The following TMEM117 variants were observed in gnomAD, a reference collection of about 807,000 sequenced individuals.
TMEM117 encodes the protein transmembrane protein 117.
Under a neutral mutation model 52.4 loss-of-function variants are expected in TMEM117, and 27 were observed. The ratio of observed to expected loss-of-function variants is 0.51; its 90% CI spans 0.38 to 0.71. The LOEUF (loss-of-function observed/expected upper bound fraction) is 0.71. Among genes scored for constraint, TMEM117 ranks in the 30% least tolerant of loss-of-function variants. The pLI, the probability that TMEM117 is intolerant of heterozygous loss-of-function variation, is 0.00. For synonymous variants in TMEM117, 215 were observed against 206.3 expected, an observed-to-expected ratio of 1.04 and a Z score of -0.36; for missense variants, 556 against 630.5, an observed-to-expected ratio of 0.88 and a Z score of 1.26.
intron 3 of TMEM117, among the ~76,000 whole-genome samples, chr12:44,132,009 A>T (rs1165556122): frequency 3.9e-5 from 6 of 152,104 alleles, no homozygotes; most frequent in African/African-American, 1.4e-4. Context: ...ATATGATAAT[A>T]CCTGAAGTCT....
chr12:44,108,152 A>G (rs950471567), intron 3 of TMEM117, among the ~76,000 whole-genome samples: 2 of 152,086 alleles, frequency 1.3e-5, no homozygotes, highest in Non-Finnish European at 2.9e-5. Flanking sequence ...AGTTTACTTC[A>G]TCTCTTTCTT....
chr12:44,213,598 A>G (rs910528508), intron 5 of TMEM117, among the ~76,000 whole-genome samples: 3 of 151,972 alleles, frequency 2.0e-5, no homozygotes, highest in Admixed American at 1.3e-4. Flanking sequence ...CATAATCCCC[A>G]CTTGTCGTGG....
the TMEM117 span, among the ~76,000 whole-genome samples, chr12:43,819,046 A>G: frequency 2.0e-5 from 3 of 152,342 alleles, no homozygotes; most frequent in South Asian, 6.2e-4. Flanking sequence ...AAGAAACTAA[A>G]GATACAGAAT....
chr12:44,291,379 T>G (rs1409981130), intron 5 of TMEM117, among the ~76,000 whole-genome samples: 2 of 147,662 alleles, frequency 1.4e-5, no homozygotes, highest in African/African-American at 2.5e-5. Context: ...TAACAGTTTT[T>G]TTTTTTTTTT....
chr12:43,814,738 CTTTTTTTTTT>C, the TMEM117 span, among the ~76,000 whole-genome samples: 3 of 107,632 alleles, frequency 2.8e-5, no homozygotes, highest in African/African-American at 7.1e-5. Context: ...GGGTTTGAAT[CTTTTTTTTTT>C]TTTTTTTTTT....
rs576083550 is a variant in TMEM117, at chr12:44,162,081, T to A, written c.510+18457T>A. 3.9e-5 allele frequency among the ~76,000 whole-genome samples: 6 copies of A among 152,250 alleles called. No homozygotes were observed. The East Asian group carries it at 1.2e-3, about 29-fold the overall frequency. On this transcript the variant is annotated intron_variant, in intron 4 of 7. Transcript: ENST00000266534. ...ACTAAAGTGAGTTTAAAGAATGAGA[T>A]GCCGTATGGAGCTCCAGAGAACGTG...
At chr12:44,239,629 G>A (rs1408789048) in intron 5 of TMEM117, among the ~76,000 whole-genome samples, 1 of 151,974 alleles carries the variant, frequency 6.6e-6, no homozygotes, top group Non-Finnish European at 1.5e-5. Flanking sequence ...CCAGAATATT[G>A]TTTTCAGAAG....
intron 5 of TMEM117, among the ~76,000 whole-genome samples, chr12:44,298,911 C>T (rs2138638857): frequency 6.6e-6 from 1 of 150,682 alleles, no homozygotes; most frequent in South Asian, 2.1e-4. Flanking sequence ...CAAAGATTTC[C>T]TCACCCATTC....
chr12:43,819,373 C>G, the TMEM117 span, among the ~76,000 whole-genome samples: 1 of 152,184 alleles, frequency 6.6e-6, no homozygotes, highest in Non-Finnish European at 1.5e-5. Context: ...ACTTTCCTAT[C>G]TTGTTTCTCA....
chr12:43,852,537 G>A (rs1301222090), intron 2 of TMEM117, among the ~76,000 whole-genome samples: 1 of 152,228 alleles, frequency 6.6e-6, no homozygotes, highest in Non-Finnish European at 1.5e-5. Flanking sequence ...AGGAGGCAGA[G>A]GTTGCAGTGA....
intron 3 of TMEM117, chr12:44,073,636 G>A (rs992021848): frequency 1.3e-5 from 2 of 152,278 alleles, no homozygotes; most frequent in Admixed American, 1.3e-4. Flanking sequence ...ACTGGAGGTC[G>A]TTGGAGTGCT....
intron 3 of TMEM117, among the ~76,000 whole-genome samples, chr12:44,059,638 A>T (rs1464914305): frequency 6.6e-6 from 1 of 152,214 alleles, no homozygotes; most frequent in Non-Finnish European, 1.5e-5. Context: ...TTTTGTCAGC[A>T]AATCTCTCTG....
chr12:44,285,157 C>T (rs998408986), intron 5 of TMEM117, among the ~76,000 whole-genome samples: 11 of 152,120 alleles, frequency 7.2e-5, no homozygotes, highest in South Asian at 2.1e-4. Context: ...CCAACCCAGA[C>T]GTATTTTTTT....
intron 3 of TMEM117, chr12:44,009,561 T>A: frequency 4.3e-6 from 1 of 230,312 alleles, no homozygotes; most frequent in Non-Finnish European, 9.1e-6. Flanking sequence ...ACAGGCTGGG[T>A]TTCTTTGTGA....
chr12:43,915,175 A>G (rs4768543), intron 2 of TMEM117, among the ~76,000 whole-genome samples: 106,999 of 152,082 alleles, frequency 0.7, 41,491 homozygotes, highest in East Asian at 0.86. Context: ...GGTCTTACCT[A>G]TACCCCTTGG....
chr12:43,820,676 G>T, the TMEM117 span, among the ~76,000 whole-genome samples: 119 of 149,336 alleles, frequency 8.0e-4, 1 homozygote, highest in Non-Finnish European at 1.5e-3. Context: ...TATGCATTTT[G>T]CCCACTTTAT....
At chr12:44,318,107 T>C (rs1011982873) in intron 6 of TMEM117, among the ~76,000 whole-genome samples, 2 of 152,090 alleles carry the variant, frequency 1.3e-5, no homozygotes, top group Non-Finnish European at 1.5e-5. Context: ...GCATGTAGCA[T>C]AGGGGGCCGT....
intron 6 of TMEM117, among the ~76,000 whole-genome samples, chr12:44,353,945 T>C (rs536065025): frequency 1.7e-4 from 26 of 152,204 alleles, no homozygotes; most frequent in South Asian, 1.2e-3. Context: ...AATGTTCTTC[T>C]ATTTGTTTGT....
At chr12:44,179,881 A>AT (rs1281890336) in intron 4 of TMEM117, among the ~76,000 whole-genome samples, 2 of 152,320 alleles carry the variant, frequency 1.3e-5, no homozygotes, top group African/African-American at 4.8e-5. Flanking sequence ...ACAACAATTC[A>AT]TTGTGGGCTG....
Sources: gnomAD v4.1 joint callset for allele counts (sites outside exome capture counted in the v4.1 genomes callset) on GRCh38, gnomAD v4.1.1 for gene constraint, MANE v1.5 for transcripts, NCBI Gene and HGNC (gene_info 2026-07-23, HGNC 2026-07-21) for gene names.